MCTP2: variants seen among roughly 807,000 people sequenced by gnomAD.
MCTP2 encodes multiple C2 and transmembrane domain-containing protein 2.
In MCTP2, 132 loss-of-function variants were observed where a neutral mutation model predicts 111.6. The observed-to-expected ratio is 1.18, with a 90% confidence interval of 1.03 to 1.37. MCTP2 has a LOEUF of 1.37. Among genes scored for constraint, MCTP2 ranks in the 40% most tolerant of loss-of-function variants. MCTP2 has a pLI of 0.00. For missense variants in MCTP2, 1,183 were observed against 1,067.9 expected, an observed-to-expected ratio of 1.11 and a Z score of -1.50; for synonymous variants, 395 against 387.7, an observed-to-expected ratio of 1.02 and a Z score of -0.22.
chr15:94,397,402 T>G (rs908184680), intron 14 of MCTP2, among the ~76,000 whole-genome samples: 6 of 152,250 alleles, frequency 3.9e-5, no homozygotes, highest in Non-Finnish European at 8.8e-5. Flanking sequence ...TGACTGTGCG[T>G]TGAAGCAAAG....
chr15:94,379,910 T>G (rs925260278), intron 12 of MCTP2, among the ~76,000 whole-genome samples: 2 of 147,110 alleles, frequency 1.4e-5, no homozygotes, highest in African/African-American at 5.0e-5. Context: ...ATATAATGTA[T>G]AATATAATAT....
At chr15:94,314,055 A>G (rs1423165863) in intron 2 of MCTP2, among the ~76,000 whole-genome samples, 1 of 152,216 alleles carries the variant, frequency 6.6e-6, no homozygotes, top group East Asian at 1.9e-4. Context: ...GTGGCCCAGC[A>G]GGGGCGTGCA....
intron 17 of MCTP2, among the ~76,000 whole-genome samples, chr15:94,438,288 A>G (rs1335430652): frequency 2.0e-5 from 3 of 152,136 alleles, no homozygotes; most frequent in Admixed American, 6.5e-5. Flanking sequence ...AAATATTTGC[A>G]GAATGATAGG....
intron 8 of MCTP2, among the ~76,000 whole-genome samples, chr15:94,351,667 C>G (rs1482297084): frequency 6.6e-6 from 1 of 152,180 alleles, no homozygotes; most frequent in Non-Finnish European, 1.5e-5. Context: ...TTATTTGGCA[C>G]CTGGCAGGTA....
rs1367721071 is a variant in MCTP2, at chr15:94,385,520, C to T, written c.1783C>T (p.Leu595=). The part of the protein sequence containing the change: ...DFLGKVAIPL[L]SIRDGQPNCY... ...TCTTGGAAAAGTTGCCATTCCCTTG[C>T]TGTCCGTAAGTTTCCTTTATTAATA... Residue 595 remains leucine (L), a synonymous_variant, in exon 14 of 23, where the codon CTG becomes TTG. Coordinates refer to ENST00000357742, the MANE Select transcript of MCTP2 (RefSeq NM_001385001.1). 2 of 1,606,374 alleles carry T rather than the reference C, an allele frequency of 1.2e-6. 1 individual carries two copies. Among genetic ancestry groups the T allele is most frequent in the Admixed American group, 3.3e-5 (2 of 59,974 alleles).
chr15:94,284,290 T>C (rs1044849196), intron 1 of MCTP2, among the ~76,000 whole-genome samples: 1 of 152,224 alleles, frequency 6.6e-6, no homozygotes, highest in Non-Finnish European at 1.5e-5. Flanking sequence ...CTTCACCCAT[T>C]ACTAATCACT....
intron 17 of MCTP2, among the ~76,000 whole-genome samples, chr15:94,415,177 A>T (rs1468910502): frequency 6.6e-6 from 1 of 152,142 alleles, no homozygotes; most frequent in Non-Finnish European, 1.5e-5. Context: ...CTCTGCAAAG[A>T]TTACACTCCC....
chr15:94,427,924 A>T (rs1179927176), intron 17 of MCTP2, among the ~76,000 whole-genome samples: 1 of 152,182 alleles, frequency 6.6e-6, no homozygotes, highest in Non-Finnish European at 1.5e-5. Flanking sequence ...CTTGCACTTG[A>T]CATGCTAGCT....
intron 20 of MCTP2, among the ~76,000 whole-genome samples, chr15:94,459,032 T>G (rs1400648841): frequency 6.6e-6 from 1 of 152,200 alleles, no homozygotes; most frequent in East Asian, 1.9e-4. Flanking sequence ...TTCATAGGTT[T>G]TTTTCTGTTT....
chr15:94,478,715 C>T (rs975009015), intron 22 of MCTP2, among the ~76,000 whole-genome samples: 1 of 152,192 alleles, frequency 6.6e-6, no homozygotes, highest in Non-Finnish European at 1.5e-5. Flanking sequence ...TCTAGCAGTG[C>T]CCAGCGAAGG....
chr15:94,350,026 C>T (rs1214145198), intron 8 of MCTP2, among the ~76,000 whole-genome samples: 3 of 152,168 alleles, frequency 2.0e-5, no homozygotes, highest in Non-Finnish European at 2.9e-5. Flanking sequence ...TGGCTCCCAT[C>T]TTAGACTTCT....
intron 2 of MCTP2, among the ~76,000 whole-genome samples, chr15:94,300,274 G>A (rs1405146221): frequency 2.6e-5 from 4 of 152,040 alleles, no homozygotes; most frequent in Non-Finnish European, 4.4e-5. Flanking sequence ...TTGGGAGACC[G>A]AGGTGGGTGG....
At chr15:94,243,710 T>TAC (rs2071347433) in intron 1 of MCTP2, among the ~76,000 whole-genome samples, 1 of 129,082 alleles carries the variant, frequency 7.7e-6, no homozygotes, top group South Asian at 2.4e-4. Flanking sequence ...TATATACACA[T>TAC]ATATGTATAC....
intron 17 of MCTP2, among the ~76,000 whole-genome samples, chr15:94,422,009 A>T (rs2082650910): frequency 6.6e-6 from 1 of 152,194 alleles, no homozygotes; most frequent in Admixed American, 6.5e-5. Context: ...AAATTTGGGA[A>T]AAGGGAAGAG....
At chr15:94,309,590 A>T (rs1473064608) in intron 2 of MCTP2, among the ~76,000 whole-genome samples, 1 of 152,228 alleles carries the variant, frequency 6.6e-6, no homozygotes, top group Admixed American at 6.5e-5. Flanking sequence ...TTTAGTGTAT[A>T]TTGAAAGGAA....
intron 10 of MCTP2, among the ~76,000 whole-genome samples, chr15:94,360,895 T>A (rs2078895675): frequency 6.6e-6 from 1 of 151,582 alleles, no homozygotes; most frequent in African/African-American, 2.4e-5. Context: ...TCTCCTGTAG[T>A]ACAAAAGATA....
chr15:94,379,660 G>T (rs1002368714), intron 12 of MCTP2, among the ~76,000 whole-genome samples: 4 of 149,138 alleles, frequency 2.7e-5, no homozygotes, highest in Non-Finnish European at 4.4e-5. Flanking sequence ...CCTGATTATC[G>T]CTATTTGCCT....
intron 17 of MCTP2, among the ~76,000 whole-genome samples, chr15:94,407,776 CACACACA>C: frequency 1.1e-3 from 1 of 882 alleles, no homozygotes; most frequent in South Asian, 0.031. Flanking sequence ...TGTACTTGTG[CACACACA>C]CACACACACA....
chr15:94,398,397 T>C (rs745977141), intron 14 of MCTP2, among the ~76,000 whole-genome samples: 8 of 152,240 alleles, frequency 5.3e-5, no homozygotes, highest in Admixed American at 1.3e-4. Flanking sequence ...CAGTTTATTC[T>C]AATGTTGACG....
Sources: gnomAD v4.1 joint callset for allele counts (sites outside exome capture counted in the v4.1 genomes callset) on GRCh38, gnomAD v4.1.1 for gene constraint, MANE v1.5 for transcripts, NCBI Gene and HGNC (gene_info 2026-07-23, HGNC 2026-07-21) for gene names.